The following NEDD4L variants were observed in gnomAD, a reference collection of about 807,000 sequenced individuals.
NEDD4L encodes NEDD4 like E3 ubiquitin protein ligase, also known as E3 ubiquitin-protein ligase NEDD4-like.
A neutral mutation model predicts 148.9 loss-of-function variants in NEDD4L; 54 were observed. That is an observed-to-expected ratio of 0.36 (90% confidence interval 0.29 to 0.45). The LOEUF is 0.45. Among genes scored for constraint, NEDD4L ranks in the 20% least tolerant of loss-of-function variants. NEDD4L has a pLI of 1.00. For missense variants in NEDD4L, 856 were observed against 1,233.8 expected, an observed-to-expected ratio of 0.69 and a Z score of 4.59; for synonymous variants, 433 against 440.7, an observed-to-expected ratio of 0.98 and a Z score of 0.22.
At chr18:58,292,273 G>A (rs2054872027) in intron 5 of NEDD4L, among the ~76,000 whole-genome samples, 1 of 152,164 alleles carries the variant, frequency 6.6e-6, no homozygotes, top group South Asian at 2.1e-4. Context: ...AGCGTATACT[G>A]TCACTGCTGC....
intron 2 of NEDD4L, among the ~76,000 whole-genome samples, chr18:58,238,499 T>G (rs2046279309): frequency 1.3e-5 from 2 of 152,188 alleles, no homozygotes; most frequent in Admixed American, 6.5e-5. Flanking sequence ...AAACATCATA[T>G]AGAGAGAATG....
At chr18:58,282,258 G>T (rs1416405610) in intron 5 of NEDD4L, among the ~76,000 whole-genome samples, 1 of 151,828 alleles carries the variant, frequency 6.6e-6, no homozygotes, top group Non-Finnish European at 1.5e-5. Flanking sequence ...TGGTTAAAAT[G>T]CTGTCATTAG....
At chr18:58,121,449 G>A (rs1351870476) in intron 1 of NEDD4L, among the ~76,000 whole-genome samples, 1 of 151,320 alleles carries the variant, frequency 6.6e-6, no homozygotes, top group Non-Finnish European at 1.5e-5. Context: ...TTTTGACAGG[G>A]TCTCTCTATC....
chr18:58,069,559 G>T (rs1404163930), intron 1 of NEDD4L, among the ~76,000 whole-genome samples: 1 of 152,190 alleles, frequency 6.6e-6, no homozygotes, highest in Admixed American at 6.5e-5. Context: ...GACTGCTTCT[G>T]TTGTTAAAAA....
chr18:58,188,617 CCT>C (rs2039738664), intron 2 of NEDD4L, among the ~76,000 whole-genome samples: 2 of 152,344 alleles, frequency 1.3e-5, no homozygotes, highest in Admixed American at 1.3e-4. Context: ...ACTCTCAAGC[CCT>C]GTGTTGCTCT....
intron 5 of NEDD4L, among the ~76,000 whole-genome samples, chr18:58,282,143 G>T (rs564319669): frequency 1.3e-5 from 2 of 151,234 alleles, no homozygotes; most frequent in Non-Finnish European, 1.5e-5. Context: ...GTTGGCAAAG[G>T]TCTCTCTGAG....
intron 1 of NEDD4L, among the ~76,000 whole-genome samples, chr18:58,080,430 G>A (rs1432859753): frequency 1.3e-5 from 2 of 152,220 alleles, no homozygotes; most frequent in East Asian, 3.8e-4. Context: ...GCAGTAAAGT[G>A]GGATTATTTC....
intron 5 of NEDD4L, among the ~76,000 whole-genome samples, chr18:58,279,232 C>T (rs938167596): frequency 6.6e-6 from 1 of 152,038 alleles, no homozygotes; most frequent in Non-Finnish European, 1.5e-5. Context: ...TGATACAGCC[C>T]CTGCCCCCAC....
chr18:58,102,541 A>G (rs1290132306), intron 1 of NEDD4L, among the ~76,000 whole-genome samples: 1 of 152,206 alleles, frequency 6.6e-6, no homozygotes, highest in African/African-American at 2.4e-5. Context: ...TTAAAAATAC[A>G]GTTAACCCCC....
At chr18:58,343,695 A>AT (rs2042712037) in intron 16 of NEDD4L, among the ~76,000 whole-genome samples, 1 of 152,190 alleles carries the variant, frequency 6.6e-6, no homozygotes, top group African/African-American at 2.4e-5. Context: ...CAACTCTTTC[A>AT]TGTACTCCTG....
chr18:58,106,750 C>T (rs2085090169), intron 1 of NEDD4L, among the ~76,000 whole-genome samples: 1 of 152,144 alleles, frequency 6.6e-6, no homozygotes, highest in South Asian at 2.1e-4. Context: ...ATCCTCAAAG[C>T]AATCATGCAG....
Position 58,323,726 on chromosome 18 carries a change from A to G in NEDD4L, c.513+392A>G, listed in dbSNP as rs931504377. Among the ~76,000 whole-genome samples, 3 of 152,212 alleles carry G rather than the reference A, an allele frequency of 2.0e-5. No individual in the cohort carries two copies. The East Asian group carries it at 5.8e-4, about 29-fold the overall frequency. ...AATTTAGAAAATCACTTTTTTTTCA[A>G]GTTTCTTACTCATTTGGCCACAGGT... is the stretch of plus-strand genomic sequence containing the variant. On this transcript the variant is annotated intron_variant, in intron 8 of 30. Transcript: ENST00000400345.
chr18:58,065,584 T>C (rs1163208600), intron 1 of NEDD4L, among the ~76,000 whole-genome samples: 2 of 152,254 alleles, frequency 1.3e-5, no homozygotes, highest in African/African-American at 4.8e-5. Context: ...AGATGAGCAT[T>C]GCCATTCAAG....
At chr18:58,191,746 T>C (rs2040144448) in intron 2 of NEDD4L, among the ~76,000 whole-genome samples, 2 of 152,316 alleles carry the variant, frequency 1.3e-5, no homozygotes, top group Non-Finnish European at 2.9e-5. Context: ...AGAAAAGTTA[T>C]ACCTGGTGGG....
Position 58,256,327 on chromosome 18 carries a change from C to T in NEDD4L, c.297+4273C>T, listed in dbSNP as rs2048560712. 2 of 1,231,888 alleles carry T rather than the reference C, an allele frequency of 1.6e-6. No individual in the cohort carries two copies. The highest frequency in any genetic ancestry group is 4.2e-5 in the Admixed American group (1 of 23,712). The allele number at this position is 1,231,888 out of a possible 1,614,324, so 76.3% of individuals were successfully genotyped here. A position where few individuals can be genotyped will look rare whatever the true frequency, so the allele number is the denominator to read the frequency against. The stretch of plus-strand genomic sequence containing the variant: ...AGCCCAGGCGCTGGTCCCTGCAGCA[C>T]GTTCCAGATGCTTCTGGAAGCTCTG... On this transcript the variant is annotated intron_variant, in intron 5 of 30. Coordinates refer to ENST00000400345, the MANE Select transcript of NEDD4L (RefSeq NM_001144967.3). This position sits in a 1 kb window ranked among gnomAD's most constrained non-coding sequence, Gnocchi z 5.2.
intron 5 of NEDD4L, among the ~76,000 whole-genome samples, chr18:58,254,021 C>T (rs1236904912): frequency 1.3e-5 from 2 of 149,822 alleles, no homozygotes; most frequent in Non-Finnish European, 3.0e-5. Context: ...TGGCTATTAA[C>T]CCAGCGGAGA....
intron 2 of NEDD4L, chr18:58,221,604 A>T (rs1261528920): frequency 1.0e-6 from 1 of 985,304 alleles, no homozygotes. Context: ...TTCCCCCGGT[A>T]TCAGCAGAGG....
At chr18:58,085,099 C>T (rs1043908771) in intron 1 of NEDD4L, among the ~76,000 whole-genome samples, 1 of 152,284 alleles carries the variant, frequency 6.6e-6, no homozygotes, top group African/African-American at 2.4e-5. Flanking sequence ...CTCATTTTAA[C>T]TTAATCACTT....
At chr18:58,183,569 C>A (rs1431548096) in intron 2 of NEDD4L, among the ~76,000 whole-genome samples, 2 of 152,180 alleles carry the variant, frequency 1.3e-5, no homozygotes, top group Non-Finnish European at 2.9e-5. Flanking sequence ...CCTGCAGCAC[C>A]CCCCTCCTTG....
Sources: gnomAD v4.1 joint callset for allele counts (sites outside exome capture counted in the v4.1 genomes callset) on GRCh38, gnomAD v4.1.1 for gene constraint, Gnocchi (gnomAD v3.1) non-coding constraint, MANE v1.5 for transcripts, NCBI Gene and HGNC (gene_info 2026-07-23, HGNC 2026-07-21) for gene names.